The following KCNQ5 variants were observed in gnomAD, a reference collection of about 807,000 sequenced individuals.
KCNQ5 encodes potassium voltage-gated channel subfamily Q member 5, also known as potassium voltage-gated channel subfamily KQT member 5.
KCNQ5 carries 30 observed loss-of-function variants against 98.2 expected under a neutral mutation model. The observed-to-expected ratio is 0.31, with a 90% CI of 0.23 to 0.41. KCNQ5 has a LOEUF of 0.41. Ranked by LOEUF, KCNQ5 falls within the 10% of genes least tolerant of loss-of-function variation. The probability of loss-of-function intolerance (pLI) is 1.00; values close to 1 mark genes in which losing one functional copy is unlikely to be tolerated. For missense variants in KCNQ5, 835 were observed against 1,182.5 expected (o/e 0.71, Z 4.31); for synonymous variants, 458 against 449.4 (o/e 1.02, Z -0.24).
chr6:72,866,455 A>G (rs905452445), intron 1 of KCNQ5, among the ~76,000 whole-genome samples: 11 of 151,586 alleles, frequency 7.3e-5, no homozygotes, highest in Non-Finnish European at 5.9e-5. Flanking sequence ...GGGTTTCACA[A>G]TGTTGCCCAG....
At chr6:72,887,063 C>G (rs140358961) in intron 1 of KCNQ5, among the ~76,000 whole-genome samples, 190 of 151,948 alleles carry the variant, frequency 1.3e-3, no homozygotes, top group African/African-American at 4.4e-3. Context: ...TACTGTAAAA[C>G]AATTGCAAAT....
At chr6:73,000,808 C>T (rs1031068171) in intron 1 of KCNQ5, among the ~76,000 whole-genome samples, 11 of 152,194 alleles carry the variant, frequency 7.2e-5, no homozygotes, top group Non-Finnish European at 1.5e-4. Context: ...CTGCTGCCAA[C>T]TTAATTTTCC....
intron 1 of KCNQ5, among the ~76,000 whole-genome samples, chr6:72,647,456 A>AAAACG: frequency 6.6e-6 from 1 of 152,188 alleles, no homozygotes; most frequent in South Asian, 2.1e-4. Flanking sequence ...AAAACAAAAC[A>AAAACG]AAACGAAAAA....
At chr6:73,054,037 A>G (rs191231260) in intron 3 of KCNQ5, among the ~76,000 whole-genome samples, 1 of 152,180 alleles carries the variant, frequency 6.6e-6, no homozygotes, top group Admixed American at 6.5e-5. Flanking sequence ...ACAAAAATTT[A>G]AAAAACCCTC....
intron 1 of KCNQ5, among the ~76,000 whole-genome samples, chr6:72,848,189 C>T (rs1777095374): frequency 8.1e-6 from 1 of 124,208 alleles, no homozygotes. Flanking sequence ...CTCAGGACAG[C>T]CATTTTTTTT....
At chr6:72,958,074 C>A (rs1197937691) in intron 1 of KCNQ5, among the ~76,000 whole-genome samples, 2 of 151,946 alleles carry the variant, frequency 1.3e-5, no homozygotes, top group Non-Finnish European at 2.9e-5. Context: ...AATAGGTGCT[C>A]CATCTTTTTT....
At chr6:73,160,122 T>A (rs1340328480) in intron 10 of KCNQ5, among the ~76,000 whole-genome samples, 2 of 152,004 alleles carry the variant, frequency 1.3e-5, no homozygotes, top group Non-Finnish European at 2.9e-5. Context: ...CACGCCATTC[T>A]CCTGCCTCAG....
At chr6:73,055,080 C>A (rs567839196) in intron 3 of KCNQ5, 1 of 691,148 alleles carries the variant, frequency 1.4e-6, no homozygotes, top group African/African-American at 1.7e-5. Flanking sequence ...AGAATGCTAT[C>A]CCCCAAGCCT....
chr6:72,761,482 CATATT>C (rs1474977794), intron 1 of KCNQ5, among the ~76,000 whole-genome samples: 1 of 151,466 alleles, frequency 6.6e-6, no homozygotes, highest in African/African-American at 2.4e-5. Context: ...TTTTCTAAAC[CATATT>C]ATAAGTAATA....
At chr6:73,065,378 TA>T (rs917748092) in intron 3 of KCNQ5, among the ~76,000 whole-genome samples, 8 of 152,198 alleles carry the variant, frequency 5.3e-5, no homozygotes, top group African/African-American at 1.9e-4. Flanking sequence ...CCAGCTCCTT[TA>T]CAGCTCCTCC....
chr6:72,897,479 T>C (rs2150189645), intron 1 of KCNQ5, among the ~76,000 whole-genome samples: 1 of 152,232 alleles, frequency 6.6e-6, no homozygotes, highest in African/African-American at 2.4e-5. Flanking sequence ...GAGACAGCTG[T>C]TGCGGGGAGC....
chr6:72,944,254 A>G (rs761195336), intron 1 of KCNQ5, among the ~76,000 whole-genome samples: 101 of 152,206 alleles, frequency 6.6e-4, no homozygotes, highest in Non-Finnish European at 9.3e-4. Flanking sequence ...TTTTTCTTAT[A>G]CCCTCTTTTG....
At chr6:73,080,845 C>G (rs1416142812) in intron 5 of KCNQ5, among the ~76,000 whole-genome samples, 1 of 152,166 alleles carries the variant, frequency 6.6e-6, no homozygotes, top group East Asian at 1.9e-4. Context: ...AACTCTGGAA[C>G]TCCTTCCATT....
intron 10 of KCNQ5, among the ~76,000 whole-genome samples, chr6:73,161,404 G>A (rs1029520894): frequency 2.0e-5 from 3 of 152,308 alleles, no homozygotes; most frequent in Non-Finnish European, 4.4e-5. Context: ...TAGGTCAGTA[G>A]GGTGACTATA....
chr6:72,883,976 TTATGGTTATTGCTTGTAAGAATCAA>T (rs1562045313), intron 1 of KCNQ5, among the ~76,000 whole-genome samples: 1 of 152,208 alleles, frequency 6.6e-6, no homozygotes, highest in African/African-American at 2.4e-5. Context: ...ATAGTGATCA[TTATGGTTATTGCTTGTAAGAATCAA>T]TATTCTTAAG....
chr6:73,044,197 TTGAGCCCAGGAGTTTGAGGCTGCAG>T (rs1228491855), intron 3 of KCNQ5, among the ~76,000 whole-genome samples: 1 of 152,190 alleles, frequency 6.6e-6, no homozygotes, highest in Non-Finnish European at 1.5e-5. Flanking sequence ...GGAGGATCAT[TTGAGCCCAGGAGTTTGAGGCTGCAG>T]TGAGCCATGT....
chr6:72,786,336 T>C (rs1773740545), intron 1 of KCNQ5, among the ~76,000 whole-genome samples: 1 of 152,222 alleles, frequency 6.6e-6, no homozygotes, highest in African/African-American at 2.4e-5. Flanking sequence ...TTCTGGATGT[T>C]AGCCCTTTGT....
intron 1 of KCNQ5, among the ~76,000 whole-genome samples, chr6:72,645,619 A>C (rs1403073011): frequency 6.6e-6 from 1 of 152,096 alleles, no homozygotes; most frequent in Non-Finnish European, 1.5e-5. Context: ...CATAGAAAGG[A>C]GAGGAAGGGA....
At chr6:72,767,991 C>T (rs1772666181) in intron 1 of KCNQ5, among the ~76,000 whole-genome samples, 1 of 151,978 alleles carries the variant, frequency 6.6e-6, no homozygotes, top group Non-Finnish European at 1.5e-5. Context: ...CACTAATAGA[C>T]ATATATCCAA....
Sources: allele counts gnomAD v4.1 joint callset (sites outside exome capture counted in the v4.1 genomes callset), GRCh38; gene constraint gnomAD v4.1.1; transcripts MANE v1.5; gene names NCBI Gene and HGNC (gene_info 2026-07-23, HGNC 2026-07-21).